The following ZNF536 variants were observed in gnomAD, a reference collection of about 807,000 sequenced individuals.
ZNF536 encodes zinc finger protein 536.
A neutral mutation model predicts 84.5 loss-of-function variants in ZNF536; 13 were observed. That is an observed-to-expected ratio of 0.15 (90% CI 0.10 to 0.24). The LOEUF (loss-of-function observed/expected upper bound fraction) is 0.24. Among genes scored for constraint, ZNF536 ranks in the 10% least tolerant of loss-of-function variants. ZNF536 has a pLI of 1.00. For synonymous variants in ZNF536, 811 were observed against 742.5 expected (o/e 1.09, Z -1.50); for missense variants, 1,536 against 1,747.5 (o/e 0.88, Z 2.16).
intron 1 of ZNF536, among the ~76,000 whole-genome samples, chr19:30,621,918 G>A (rs1390420055): frequency 6.6e-6 from 1 of 152,222 alleles, no homozygotes; most frequent in Non-Finnish European, 1.5e-5. Flanking sequence ...AACGAAAACA[G>A]TTTGAAATGG....
intron 1 of ZNF536, among the ~76,000 whole-genome samples, chr19:30,599,468 C>CTCCT (rs1345342477): frequency 1.2e-3 from 2 of 1,658 alleles, no homozygotes; most frequent in African/African-American, 2.2e-3. Context: ...CCCTCCCTCC[C>CTCCT]TCCTTCCTTC....
intron 1 of ZNF536, among the ~76,000 whole-genome samples, chr19:30,583,717 A>C (rs2047001152): frequency 6.6e-6 from 1 of 152,198 alleles, no homozygotes; most frequent in South Asian, 2.1e-4. Flanking sequence ...ATTCCTAGCT[A>C]CTGGCACAGT....
At chr19:30,684,266 C>A (rs2147850223) in intron 1 of ZNF536, among the ~76,000 whole-genome samples, 1 of 152,284 alleles carries the variant, frequency 6.6e-6, no homozygotes, top group East Asian at 1.9e-4. Context: ...TCCTGAGTAA[C>A]TGGGACGACA....
intron 2 of ZNF536, among the ~76,000 whole-genome samples, chr19:30,499,032 T>C (rs775809173): frequency 9.0e-5 from 12 of 133,074 alleles, no homozygotes; most frequent in Non-Finnish European, 2.1e-4. Flanking sequence ...TTCTTTTTCT[T>C]CTTTTTTTTT....
rs80340994 is a variant in ZNF536 at position 30,677,968 on chromosome 19, C to T, written c.170-32789C>T. Among the ~76,000 whole-genome samples the T allele has an allele frequency of 8.2e-3, 1,252 of 152,252 alleles. 6 individuals carry two copies. The highest frequency in any genetic ancestry group is 0.014 in the Admixed American group (219 of 15,294). On this transcript the variant is annotated intron_variant, in intron 1 of 1. Coordinates refer to the ZNF536 transcript ENST00000592773. ...CACCCTGAGCCACCGAACTTCCTTC[C>T]TTGGGAGGAGAAGAGGCAGGGTTTA...
upstream of ZNF536, among the ~76,000 whole-genome samples, chr19:30,369,272 GGATTAA>G (rs1185107799): frequency 6.6e-6 from 1 of 152,172 alleles, no homozygotes; most frequent in African/African-American, 2.4e-5. Context: ...AGTTTAAGTG[GGATTAA>G]GATTGTTAAA....
chr19:30,685,746 C>G (rs986328286), intron 1 of ZNF536, among the ~76,000 whole-genome samples: 4 of 152,112 alleles, frequency 2.6e-5, no homozygotes, highest in South Asian at 2.1e-4. Context: ...ATGGGGGCAC[C>G]GTCCCAGCCG....
At chr19:30,598,580 G>A (rs1327840294) in intron 1 of ZNF536, among the ~76,000 whole-genome samples, 1 of 152,096 alleles carries the variant, frequency 6.6e-6, no homozygotes, top group Non-Finnish European at 1.5e-5. Flanking sequence ...GTGGGGGAGG[G>A]AGAATGAAGC....
intron 2 of ZNF536, among the ~76,000 whole-genome samples, chr19:30,340,590 G>T (rs769743463): frequency 1.1e-4 from 17 of 152,058 alleles, no homozygotes; most frequent in African/African-American, 4.1e-4. Flanking sequence ...AGGCACCTTC[G>T]CATCCCCGTG....
intron 1 of ZNF536, among the ~76,000 whole-genome samples, chr19:30,642,922 A>T (rs2147354233): frequency 6.6e-6 from 1 of 152,308 alleles, no homozygotes; most frequent in South Asian, 2.1e-4. Flanking sequence ...TGTCTGTCTA[A>T]CAATGGCCTC....
At chr19:30,264,960 T>TGA (rs1340466408) in intron 1 of ZNF536, among the ~76,000 whole-genome samples, 54 of 88,324 alleles carry the variant, frequency 6.1e-4, no homozygotes, top group Middle Eastern at 6.4e-3. Flanking sequence ...TGTGTGTGTG[T>TGA]GTGTGTGAGA....
At chr19:30,665,545 A>G (rs2050283694) in intron 1 of ZNF536, 1 of 152,142 alleles carries the variant, frequency 6.6e-6, no homozygotes, top group Admixed American at 6.6e-5. Context: ...TTGAAGTTTC[A>G]CAGGAAAATC....
chr19:30,254,225 A>C (rs1482765955), intron 1 of ZNF536, among the ~76,000 whole-genome samples: 1 of 152,132 alleles, frequency 6.6e-6, no homozygotes, highest in Non-Finnish European at 1.5e-5. Context: ...AAAGACGGAG[A>C]GTTCAAATAC....
intron 1 of ZNF536, among the ~76,000 whole-genome samples, chr19:30,696,089 G>A (rs1304357437): frequency 6.6e-6 from 1 of 152,182 alleles, no homozygotes; most frequent in Non-Finnish European, 1.5e-5. Context: ...CTCTAGCTTT[G>A]TTTTAGGAAT....
intron 2 of ZNF536, among the ~76,000 whole-genome samples, chr19:30,331,833 T>G (rs1397848055): frequency 6.6e-6 from 1 of 152,112 alleles, no homozygotes; most frequent in Non-Finnish European, 1.5e-5. Context: ...TTCCTCCCTG[T>G]CCCCTGCAGG....
intron 2 of ZNF536, among the ~76,000 whole-genome samples, chr19:30,461,969 A>G (rs543531572): frequency 2.6e-5 from 4 of 152,216 alleles, no homozygotes; most frequent in African/African-American, 7.2e-5. Context: ...CTCCCCCATC[A>G]GTAGACAAAG....
chr19:30,408,296 C>G (rs1020316358), intron 1 of ZNF536, among the ~76,000 whole-genome samples: 3 of 152,126 alleles, frequency 2.0e-5, no homozygotes, highest in Non-Finnish European at 2.9e-5. Flanking sequence ...AGTATAATTG[C>G]CCTAACCTTC....
At chr19:30,508,606 C>T (rs1008204391) in intron 2 of ZNF536, among the ~76,000 whole-genome samples, 1 of 151,826 alleles carries the variant, frequency 6.6e-6, no homozygotes, top group Non-Finnish European at 1.5e-5. Flanking sequence ...GAGCAGGGAG[C>T]CCTGGTTTAA....
At chr19:30,630,620 C>T (rs2048853991) in intron 1 of ZNF536, among the ~76,000 whole-genome samples, 1 of 152,178 alleles carries the variant, frequency 6.6e-6, no homozygotes, top group African/African-American at 2.4e-5. Context: ...TTTGAAAAAT[C>T]CTCTGTTCTC....
Sources: gnomAD v4.1 joint callset for allele counts (sites outside exome capture counted in the v4.1 genomes callset) on GRCh38, gnomAD v4.1.1 for gene constraint, MANE v1.5 for transcripts, NCBI Gene and HGNC (gene_info 2026-07-23, HGNC 2026-07-21) for gene names.